Variants in ZNF236 observed in about 807,000 individuals in gnomAD.
ZNF236 encodes the protein regulated by glucose.
ZNF236 carries 50 observed loss-of-function variants against 191.2 expected under a neutral mutation model. The ratio of observed to expected loss-of-function variants is 0.26; its 90% CI spans 0.21 to 0.33. ZNF236 has a LOEUF of 0.33. Among genes scored for constraint, ZNF236 ranks in the 10% least tolerant of loss-of-function variants. ZNF236 has a pLI of 1.00. For synonymous variants in ZNF236, 907 were observed against 928.8 expected (o/e 0.98, Z 0.43); for missense variants, 1,754 against 2,374.5 (o/e 0.74, Z 5.43).
At chr18:76,822,768 G>C (rs1261772995) in intron 1 of ZNF236, 106 bp downstream of exon 1, 1 of 145,110 alleles carries the variant, frequency 6.9e-6, no homozygotes, top group Non-Finnish European at 1.5e-5. Context: ...CGGCGGGGCG[G>C]GGGCGGGGGC....
chr18:76,860,706 T>C (rs1976192974), intron 3 of ZNF236, among the ~76,000 whole-genome samples: 1 of 152,214 alleles, frequency 6.6e-6, no homozygotes, highest in African/African-American at 2.4e-5. Flanking sequence ...CTTCGTCTCT[T>C]GCTGTTGTGG....
In ZNF236 at chr18:76,959,535, T is replaced by C. The variant is rs189857103; in HGVS notation, c.5113-152T>C. On this transcript the variant is annotated intron_variant, in intron 28 of 30. Coordinates refer to ENST00000320610, the MANE Select transcript of ZNF236 (RefSeq NM_001306089.2). Reference sequence around the variant, plus strand: ...GTTGTCACTCTGTTGTCACTACCGATGCATTGAAGTCCTTAAGAACACAAA... The same window carrying C: ...GTTGTCACTCTGTTGTCACTACCGACGCATTGAAGTCCTTAAGAACACAAA... 1.7e-3 allele frequency: 1,404 copies of C among 830,776 alleles called. 16 individuals carry two copies. The highest frequency in any genetic ancestry group is 0.01 in the African/African-American group (607 of 57,914). The allele number at this position is 830,776 out of a possible 1,614,324, so 51.5% of individuals were successfully genotyped here. A position where few individuals can be genotyped will look rare whatever the true frequency, so the allele number is the denominator to read the frequency against.
intron 3 of ZNF236, among the ~76,000 whole-genome samples, chr18:76,857,117 TTC>T (rs1976062635): frequency 6.6e-6 from 1 of 150,884 alleles, no homozygotes; most frequent in Non-Finnish European, 1.5e-5. Context: ...TGTGGGCTCC[TTC>T]TCTCGCAGGG....
chr18:76,927,358 C>G lies in ZNF236; in HGVS notation c.4255C>G (p.Pro1419Ala), dbSNP rs753137460. ...QQLTGEPGLA[P>A]QNSSLQTSDS... is the part of the protein sequence containing the mutation. The stretch of plus-strand genomic sequence containing the variant: ...GCTCACGGGGGAGCCTGGCCTGGCC[C>G]CACAGAACAGCTCTCTCCAGACATC... The change falls in exon 24 of 31, where the codon CCA becomes GCA. Residue 1419 changes from proline (P) to alanine (A), a missense_variant. Transcript: ENST00000320610. This position sits in a 1 kb window ranked among gnomAD's most constrained non-coding sequence, Gnocchi z 5.4. 6.2e-7 allele frequency: 1 copy of G among 1,614,196 alleles called. No homozygotes were observed. Among genetic ancestry groups the G allele is most frequent in the Admixed American group, 1.7e-5 (1 of 60,022 alleles).
At position 76,906,555 on chromosome 18, in the gene ZNF236, A is replaced by G. The variant is rs3794871; in HGVS notation, c.2297+1140A>G. Among the ~76,000 whole-genome samples, 64 of 152,270 alleles carry G rather than the reference A, an allele frequency of 4.2e-4. No homozygotes were observed. The East Asian group carries it at 0.011, about 26-fold the overall frequency. ...CTTGGGCGCTTGCTTGCTCAGTGGA[A>G]TGTTAAACCAAATCTTTTTCAGTCA... On this transcript the variant is annotated intron_variant, in intron 13 of 30. Coordinates refer to ENST00000320610, the MANE Select transcript of ZNF236 (RefSeq NM_001306089.2).
chr18:76,892,996 T>A (rs1977294293), intron 9 of ZNF236, among the ~76,000 whole-genome samples: 1 of 152,234 alleles, frequency 6.6e-6, no homozygotes, highest in Non-Finnish European at 1.5e-5. Context: ...TTTTTAACAT[T>A]GTGTGGGTGA....
rs762408981 is a variant in ZNF236, at chr18:76,908,434, C to T, written c.2412C>T (p.Ser804=). The T allele has an allele frequency of 8.1e-6, 13 of 1,613,902 alleles. No homozygotes were observed. Among genetic ancestry groups the T allele is most frequent in the African/African-American group, 1.3e-5 (1 of 74,866 alleles). The change falls in exon 14 of 31, where the codon AGC becomes AGT. Residue 804 remains serine (S), a synonymous_variant. Coordinates refer to ENST00000320610, the MANE Select transcript of ZNF236 (RefSeq NM_001306089.2). Reference sequence around the variant, plus strand: ...CTCAAATGCAGGTGGAGATCGAGAGCGACGAGCTGCCGCAGACGGCAGAGG... The same window carrying T: ...CTCAAATGCAGGTGGAGATCGAGAGTGACGAGCTGCCGCAGACGGCAGAGG... ...ASTQMQVEIE[S]DELPQTAEVV...
At position 76,927,105 on chromosome 18, in the gene ZNF236, T is replaced by C. The variant is rs756524551; in HGVS notation, c.4096T>C (p.Leu1366=). 1 of 1,613,916 alleles carries C rather than the reference T, an allele frequency of 6.2e-7. No homozygotes were observed. The change falls in exon 23 of 31, where the codon TTG becomes CTG. Residue 1366 remains leucine (L), a synonymous_variant. Coordinates refer to ENST00000320610, the MANE Select transcript of ZNF236 (RefSeq NM_001306089.2). This position sits in a 1 kb window ranked among gnomAD's most constrained non-coding sequence, Gnocchi z 5.4. ...TACCCTAGAAGGCATCCAGTTACAG[T>C]TGGCTGCTAACTTGGTTGGACCAAA... ...LATLEGIQLQ[L]AANLVGPNVQ...
In ZNF236 at chr18:76,947,046, C is replaced by T. The variant is rs536647309; in HGVS notation, c.4783-475C>T. 4.6e-5 allele frequency among the ~76,000 whole-genome samples: 7 copies of T among 152,274 alleles called. No homozygotes were observed. The South Asian group carries it at 8.3e-4, about 18-fold the overall frequency. ...ACTCCATGTTCCCCCGACCCCCGGC[C>T]CACCCTCACCGCTGCCCCTGGCAAC... is the stretch of plus-strand genomic sequence containing the variant. On this transcript the variant is annotated intron_variant, in intron 26 of 30. Coordinates refer to ENST00000320610, the MANE Select transcript of ZNF236 (RefSeq NM_001306089.2).
chr18:76,848,930 A>G (rs925694438), intron 1 of ZNF236, among the ~76,000 whole-genome samples: 2 of 152,224 alleles, frequency 1.3e-5, no homozygotes, highest in African/African-American at 4.8e-5. Flanking sequence ...AAGTGCTGAA[A>G]TAAAAGGCAC....
intron 20 of ZNF236, among the ~76,000 whole-genome samples, chr18:76,922,423 G>A (rs1234196765): frequency 6.6e-6 from 1 of 152,202 alleles, no homozygotes; most frequent in Non-Finnish European, 1.5e-5. Flanking sequence ...TGATTGAACA[G>A]CTTTGCATAT....
At chr18:76,832,638 C>G (rs1358866799) in intron 1 of ZNF236, among the ~76,000 whole-genome samples, 1 of 150,894 alleles carries the variant, frequency 6.6e-6, no homozygotes, top group East Asian at 1.9e-4. Context: ...TATTCTGAGT[C>G]TTGGTATCTG....
At chr18:76,873,252 A>G (rs1225082129) in intron 5 of ZNF236, among the ~76,000 whole-genome samples, 3 of 152,214 alleles carry the variant, frequency 2.0e-5, no homozygotes. Flanking sequence ...TTTACCTTTA[A>G]CAGTTTGATA....
chr18:76,908,625 C>T lies in ZNF236; in HGVS notation c.2551+52C>T, dbSNP rs748488118. 19 of 1,555,134 alleles carry T rather than the reference C, an allele frequency of 1.2e-5. No homozygotes were observed. In the Admixed American group the frequency reaches 1.9e-4, roughly 16 times the overall value. Reference sequence around the variant, plus strand: ...GAGTGATCCCAGCAGAGTTTTGCAGCCTTTCCCACTCATTGCAGTCCATTG... The same window carrying T: ...GAGTGATCCCAGCAGAGTTTTGCAGTCTTTCCCACTCATTGCAGTCCATTG... On this transcript the variant is annotated intron_variant, in intron 14 of 30. Coordinates refer to ENST00000320610, the MANE Select transcript of ZNF236 (RefSeq NM_001306089.2).
chr18:76,895,408 C>T, intron 10 of ZNF236, 123 bp downstream of exon 10: 2 of 1,313,344 alleles, frequency 1.5e-6, no homozygotes, highest in Non-Finnish European at 2.1e-6. Context: ...ACAAGTACTG[C>T]TCACAGGGAC....
At position 76,969,387 on chromosome 18, in the gene ZNF236, T is replaced by C. The variant is rs1968865246; in HGVS notation, c.*1048T>C. Reference sequence around the variant, plus strand: ...ATTCCAAAGATGGAAGGTTCTTTACTTCATGTTAATTTTTCCTTTGAAATT... The same window carrying C: ...ATTCCAAAGATGGAAGGTTCTTTACCTCATGTTAATTTTTCCTTTGAAATT... On this transcript the variant is annotated 3_prime_UTR_variant, in exon 31 of 31. Transcript: ENST00000320610. The C allele has an allele frequency of 6.6e-6, 1 of 152,668 alleles. No homozygotes were observed. The highest frequency in any genetic ancestry group is 6.5e-5 in the Admixed American group (1 of 15,282). 9.5% of individuals were successfully genotyped at this position (152,668 alleles called of 1,614,324 possible).
At chr18:76,847,201 AC>A (rs1482621145) in intron 1 of ZNF236, among the ~76,000 whole-genome samples, 1 of 152,198 alleles carries the variant, frequency 6.6e-6, no homozygotes, top group Non-Finnish European at 1.5e-5. Flanking sequence ...AGTAGTTTCA[AC>A]ATAGAGGCTG....
intron 11 of ZNF236, among the ~76,000 whole-genome samples, chr18:76,903,969 G>T (rs943738258): frequency 6.8e-6 from 1 of 147,666 alleles, no homozygotes; most frequent in Non-Finnish European, 1.5e-5. Context: ...TTAAAATCTT[G>T]CTTATCCTGA....
intron 2 of ZNF236, among the ~76,000 whole-genome samples, chr18:76,850,725 C>A (rs1403847857): frequency 6.6e-6 from 1 of 151,970 alleles, no homozygotes; most frequent in African/African-American, 2.4e-5. Context: ...GCCTCAGCTT[C>A]CCGAGTAGCT....
Sources: gnomAD v4.1 joint callset for allele counts (sites outside exome capture counted in the v4.1 genomes callset) on GRCh38, gnomAD v4.1.1 for gene constraint, Gnocchi (gnomAD v3.1) non-coding constraint, MANE v1.5 for transcripts, NCBI Gene and HGNC (gene_info 2026-07-23, HGNC 2026-07-21) for gene names.